ERMARD: variants seen among roughly 807,000 people sequenced by gnomAD.
ERMARD encodes ER membrane associated RNA degradation, also known as endoplasmic reticulum membrane-associated RNA degradation protein.
ERMARD carries 71 observed loss-of-function variants against 83.9 expected under a neutral mutation model. That is an observed-to-expected ratio of 0.85 (90% confidence interval 0.70 to 1.03). ERMARD has a LOEUF of 1.03. Ranked by LOEUF, ERMARD falls within the 50% of genes least tolerant of loss-of-function variation. The pLI is 0.00. For missense variants in ERMARD, 838 were observed against 810.9 expected (o/e 1.03, Z -0.41); for synonymous variants, 284 against 298.6 (o/e 0.95, Z 0.50).
rs759764706 is a variant in ERMARD, at chr6:169,760,738, T to C, written c.839T>C (p.Val280Ala). The change falls in exon 8 of 18, where the codon GTC becomes GCC. Residue 280 changes from valine (V) to alanine (A), a missense_variant. Coordinates refer to ENST00000366773, the MANE Select transcript of ERMARD (RefSeq NM_018341.3). The part of the protein sequence containing the change: ...IMLPYWEVAL[V>A]KFKSHRFADC... ...TTACCATATTGGGAAGTTGCACTGG[T>C]CAAGTTCAAGTCACACAGGTAACTA... 4.4e-5 allele frequency: 71 copies of C among 1,613,190 alleles called. No individual in the cohort carries two copies. The highest frequency in any genetic ancestry group is 6.8e-6 in the Non-Finnish European group (8 of 1,179,286).
chr6:169,769,222 C>T (rs1218806207), intron 11 of ERMARD, among the ~76,000 whole-genome samples: 2 of 152,172 alleles, frequency 1.3e-5, no homozygotes, highest in Non-Finnish European at 2.9e-5. Flanking sequence ...AAGAAAGAGC[C>T]GTGATTTCTT....
chr6:169,765,069 G>A (rs564553856), intron 9 of ERMARD, among the ~76,000 whole-genome samples: 3 of 152,358 alleles, frequency 2.0e-5, no homozygotes, highest in East Asian at 1.9e-4. Flanking sequence ...GGTGTGGAGC[G>A]AAGCTTCAGG....
rs910165584 is a variant in ERMARD at position 169,760,680 on chromosome 6, A to T, written c.781A>T (p.Met261Leu). 2 of 1,613,794 alleles carry T rather than the reference A, an allele frequency of 1.2e-6. No individual in the cohort carries two copies. Among genetic ancestry groups the T allele is most frequent in the African/African-American group, 2.7e-5 (2 of 75,054 alleles). The change falls in exon 8 of 18, where the codon ATG (methionine) becomes TTG (leucine). Residue 261 changes from methionine to leucine, a missense_variant. Physicochemically the swap from Met to Leu is conservative, Grantham distance 15. Transcript: ENST00000366773. ...GGTGCTTTCAGTATTAGAAGAAGTG[A>T]TGATGAAATCTGCTTTTATATTAAA... is the stretch of plus-strand genomic sequence containing the variant. ...YEVLSVLEEVMMKSAFILKIM... is the reference protein window; with the variant it reads ...YEVLSVLEEVLMKSAFILKIM...
At chr6:169,768,383 G>T (rs1005404366) in intron 11 of ERMARD, among the ~76,000 whole-genome samples, 2 of 152,192 alleles carry the variant, frequency 1.3e-5, no homozygotes, top group Non-Finnish European at 2.9e-5. Context: ...TGATTTAGCT[G>T]CCCTGTCCCT....
intron 11 of ERMARD, among the ~76,000 whole-genome samples, chr6:169,769,042 A>G (rs927469973): frequency 1.3e-5 from 2 of 152,166 alleles, no homozygotes; most frequent in Non-Finnish European, 2.9e-5. Context: ...TGTTCTTTCC[A>G]CCTTGAGTCT....
chr6:169,771,074 TTTC>T (rs1231205540), intron 12 of ERMARD: 3 of 133,934 alleles, frequency 2.2e-5, no homozygotes, highest in Admixed American at 7.3e-5. Flanking sequence ...TTTTCTTTTC[TTTC>T]TTTTTTTTTT....
chr6:169,776,893 C>T (rs180962163), intron 16 of ERMARD, among the ~76,000 whole-genome samples: 2 of 152,340 alleles, frequency 1.3e-5, no homozygotes, highest in African/African-American at 4.8e-5. Flanking sequence ...TAAGGACATG[C>T]TGTGACAGCC....
intron 1 of ERMARD, among the ~76,000 whole-genome samples, chr6:169,752,640 T>C (rs545842117): frequency 6.6e-6 from 1 of 152,298 alleles, no homozygotes; most frequent in South Asian, 2.1e-4. Context: ...AGTTTCCACA[T>C]TAGGAAGCTG....
At position 169,759,031 on chromosome 6, in the gene ERMARD, C is replaced by A; in HGVS notation, c.571C>A (p.His191Asn). ...CGLNLRNVLWHGFASPEEIPP... is the reference protein window; with the variant it reads ...CGLNLRNVLWNGFASPEEIPP... ...TCTCAACCTGCGTAACGTCTTATGGCATGGGTTTGCGTCACCTGAAGAAAT... is the reference window on the plus strand; with the variant it reads ...TCTCAACCTGCGTAACGTCTTATGGAATGGGTTTGCGTCACCTGAAGAAAT... Residue 191 changes from histidine (H) to asparagine (N), a missense_variant, in exon 6 of 18, where the codon CAT becomes AAT. By Grantham distance (68) the His-to-Asn change is moderately conservative. Coordinates refer to ENST00000366773, the MANE Select transcript of ERMARD (RefSeq NM_018341.3). 6.2e-7 allele frequency: 1 copy of A among 1,614,062 alleles called. No homozygotes were observed. The highest frequency in any genetic ancestry group is 8.5e-7 in the Non-Finnish European group (1 of 1,180,010).
chr6:169,772,140 C>T (rs1792998826), intron 12 of ERMARD: 1 of 152,396 alleles, frequency 6.6e-6, no homozygotes, highest in Non-Finnish European at 1.5e-5. Flanking sequence ...CTGGTCTGCC[C>T]ACCGACTTCT....
At position 169,754,037 on chromosome 6, in the gene ERMARD, G is replaced by A; in HGVS notation, c.175+5G>A. The A allele has an allele frequency of 6.2e-7, 1 of 1,604,588 alleles. No individual in the cohort carries two copies. The highest frequency in any genetic ancestry group is 2.2e-5 in the East Asian group (1 of 44,772). On this transcript the variant is annotated splice_donor_5th_base_variant and intron_variant, in intron 2 of 17. Transcript: ENST00000366773. Reference sequence around the variant, plus strand: ...GTGTGAGCTACACAGAGTCAGGTTTGTGCTGTCTTTGTACTCCAAACTTTC... The same window carrying A: ...GTGTGAGCTACACAGAGTCAGGTTTATGCTGTCTTTGTACTCCAAACTTTC...
Position 169,751,704 on chromosome 6 carries a change from A to C in ERMARD, c.6+41A>C, listed in dbSNP as rs920673947. ...GGCCCGGTTCGATCCCGAGCTAGGC[A>C]GGGAGTCGGCGCCAGGCTGGGTGGT... On this transcript the variant is annotated intron_variant, in intron 1 of 17. Coordinates refer to ENST00000366773, the MANE Select transcript of ERMARD (RefSeq NM_018341.3). 13 of 1,532,822 alleles carry C rather than the reference A, an allele frequency of 8.5e-6. No individual in the cohort carries two copies. The African/African-American group carries it at 1.8e-4, about 21-fold the overall frequency. The allele number at this position is 1,532,822 out of a possible 1,614,324, so 95.0% of individuals were successfully genotyped here. A position where few individuals can be genotyped will look rare whatever the true frequency, so the allele number is the denominator to read the frequency against.
chr6:169,758,989 G>C lies in ERMARD; in HGVS notation c.529G>C (p.Val177Leu). 6.2e-7 allele frequency: 1 copy of C among 1,613,846 alleles called. No homozygotes were observed. ...TTAGATGAATGTGCTAAAAGTCTTCGTTGGCTCTCCGTGTGGTCTCAACCT... is the reference window on the plus strand; with the variant it reads ...TTAGATGAATGTGCTAAAAGTCTTCCTTGGCTCTCCGTGTGGTCTCAACCT... ...QSVMNVLKVF[V>L]GSPCGLNLRN... is the part of the protein sequence containing the mutation. The change falls in exon 6 of 18, where the codon GTT (valine) becomes CTT (leucine). Residue 177 changes from valine to leucine, a missense_variant. Coordinates refer to ENST00000366773, the MANE Select transcript of ERMARD (RefSeq NM_018341.3).
chr6:169,780,655 C>T (rs992635317), intron 17 of ERMARD, among the ~76,000 whole-genome samples: 2 of 152,232 alleles, frequency 1.3e-5, no homozygotes, highest in African/African-American at 2.4e-5. Context: ...ACGCTGCCCA[C>T]CAGGCTCCTG....
In ERMARD at chr6:169,760,215, T is replaced by C. The variant is rs77670619; in HGVS notation, c.742+241T>C. Among the ~76,000 whole-genome samples, 684 of 152,312 alleles carry C rather than the reference T, an allele frequency of 4.5e-3. 2 individuals are homozygous for C. Among genetic ancestry groups the C allele is most frequent in the Non-Finnish European group, 6.8e-3 (461 of 68,022 alleles). ...AGTTGCAGCTGTGTGAGCTGAGCTC[T>C]TTCTTCCTCAGATGCACTATGAGCA... On this transcript the variant is annotated intron_variant, in intron 7 of 17. Transcript: ENST00000366773.
rs1269585236 is a variant in ERMARD at position 169,769,645 on chromosome 6, C to G, written c.1165C>G (p.Gln389Glu). 1.9e-6 allele frequency: 3 copies of G among 1,612,694 alleles called. No homozygotes were observed. Among genetic ancestry groups the G allele is most frequent in the African/African-American group, 2.7e-5 (2 of 74,888 alleles). The change falls in exon 12 of 18, where the codon CAG (glutamine) becomes GAG (glutamate). Residue 389 changes from glutamine (Q) to glutamate (E), a missense_variant. Physicochemically the swap from Gln to Glu is conservative, Grantham distance 29. Transcript: ENST00000366773. ...LHEFSKETTN[Q>E]LLAFSLVLLL... ...TGAATTTTCAAAAGAAACAACTAATCAGTTGCTTGCATTTTCTCTTGTACT... is the reference window on the plus strand; with the variant it reads ...TGAATTTTCAAAAGAAACAACTAATGAGTTGCTTGCATTTTCTCTTGTACT...
chr6:169,776,343 C>A (rs182019483), intron 15 of ERMARD, 112 bp from the exon 16 acceptor site: 1 of 1,553,056 alleles, frequency 6.4e-7, no homozygotes, highest in African/African-American at 1.4e-5. Context: ...GACCAACCAG[C>A]GATACGCCGC....
chr6:169,754,105 T>A (rs747632937), intron 2 of ERMARD, 73 bp downstream of exon 2: 101 of 1,406,104 alleles, frequency 7.2e-5, no homozygotes, highest in Non-Finnish European at 9.6e-5. Flanking sequence ...AAAATTCCCC[T>A]TTCTGACCAT....
At chr6:169,776,786 C>G in intron 16 of ERMARD, 113 bp downstream of exon 16, 1 of 1,237,180 alleles carries the variant, frequency 8.1e-7, no homozygotes, top group Admixed American at 2.0e-5. Flanking sequence ...TGAACCCCAT[C>G]GACAGGTGTT....
Sources: gnomAD v4.1 joint callset for allele counts (sites outside exome capture counted in the v4.1 genomes callset) on GRCh38, gnomAD v4.1.1 for gene constraint, MANE v1.5 for transcripts, NCBI Gene and HGNC (gene_info 2026-07-23, HGNC 2026-07-21) for gene names.